The following OLFM2 variants were observed in gnomAD, a reference collection of about 807,000 sequenced individuals.
The protein encoded by OLFM2 is olfactomedin 2.
In OLFM2, 20 loss-of-function variants were observed where a neutral mutation model predicts 43.9. The ratio of observed to expected loss-of-function variants is 0.46; its 90% confidence interval spans 0.32 to 0.66. The LOEUF (loss-of-function observed/expected upper bound fraction) is 0.66, where lower values mean the gene tolerates loss of function less well. Among genes scored for constraint, OLFM2 ranks in the 30% least tolerant of loss-of-function variants. OLFM2 has a pLI of 0.04. For synonymous variants in OLFM2, 268 were observed against 278.6 expected (o/e 0.96, Z 0.38); for missense variants, 416 against 643.6 (o/e 0.65, Z 3.83).
intron 1 of OLFM2, among the ~76,000 whole-genome samples, chr19:9,920,745 A>C (rs76767581): frequency 7.8e-6 from 1 of 128,028 alleles, no homozygotes; most frequent in African/African-American, 5.1e-5. Context: ...AACATACAAA[A>C]AAAAAAAAAA....
rs188810470 is a variant in OLFM2, at chr19:9,880,494, G to A, written c.64-19700C>T. ...CACCTGTAATCCCAGCACTTTAGGA[G>A]GCTAAGGTGGGAGGATCACTTGTGA... On this transcript the variant is annotated intron_variant, in intron 1 of 5. Coordinates refer to ENST00000264833, the MANE Select transcript of OLFM2 (RefSeq NM_058164.4). Among the ~76,000 whole-genome samples, 23 of 152,296 alleles carry A rather than the reference G, an allele frequency of 1.5e-4. No homozygotes were observed. In the East Asian group the frequency reaches 4.3e-3, roughly 28 times the overall value.
intron 1 of OLFM2, among the ~76,000 whole-genome samples, chr19:9,869,645 G>A (rs2046428125): frequency 2.0e-5 from 3 of 152,120 alleles, no homozygotes; most frequent in Admixed American, 2.0e-4. Context: ...GAGACAGGGT[G>A]TCACTCTATC....
chr19:9,855,987 G>A (rs1023468847), intron 5 of OLFM2, among the ~76,000 whole-genome samples: 4 of 152,212 alleles, frequency 2.6e-5, no homozygotes, highest in Non-Finnish European at 5.9e-5. Flanking sequence ...TGAATGATAA[G>A]ACATCACTTG....
chr19:9,867,701 G>C (rs1395577123), intron 1 of OLFM2, among the ~76,000 whole-genome samples: 9 of 152,054 alleles, frequency 5.9e-5, no homozygotes, highest in Non-Finnish European at 1.3e-4. Flanking sequence ...AGATATTTTT[G>C]GAGGACAGCC....
chr19:9,868,289 T>G (rs1047321520), intron 1 of OLFM2, among the ~76,000 whole-genome samples: 4 of 152,126 alleles, frequency 2.6e-5, no homozygotes, highest in African/African-American at 9.7e-5. Context: ...CTTGAACTCC[T>G]GACCTCAGGT....
intron 1 of OLFM2, among the ~76,000 whole-genome samples, chr19:9,911,859 A>C (rs1049556233): frequency 6.6e-6 from 1 of 152,208 alleles, no homozygotes; most frequent in African/African-American, 2.4e-5. Flanking sequence ...CTCCCTTCTC[A>C]GATGGCAACG....
At chr19:9,862,245 G>A (rs2046370172) in intron 1 of OLFM2, among the ~76,000 whole-genome samples, 1 of 152,146 alleles carries the variant, frequency 6.6e-6, no homozygotes, top group African/African-American at 2.4e-5. Context: ...GAGTAACAGG[G>A]GGTCTTCCCT....
chr19:9,909,232 C>T (rs983803096), intron 1 of OLFM2, among the ~76,000 whole-genome samples: 1 of 152,198 alleles, frequency 6.6e-6, no homozygotes, highest in African/African-American at 2.4e-5. Context: ...CTCCATCTCC[C>T]CTTCCCTCTC....
chr19:9,861,648 T>C (rs139969370), intron 1 of OLFM2, among the ~76,000 whole-genome samples: 6 of 152,332 alleles, frequency 3.9e-5, no homozygotes, highest in African/African-American at 1.4e-4. Flanking sequence ...GGATGCTCTG[T>C]GGTCAAATAA....
intron 1 of OLFM2, among the ~76,000 whole-genome samples, chr19:9,907,553 A>G (rs2046795265): frequency 6.6e-6 from 1 of 152,156 alleles, no homozygotes; most frequent in South Asian, 2.1e-4. Flanking sequence ...CTAACATCCA[A>G]CACAGGTCCT....
At chr19:9,904,577 T>C (rs1181426721) in intron 1 of OLFM2, among the ~76,000 whole-genome samples, 1 of 151,582 alleles carries the variant, frequency 6.6e-6, no homozygotes, top group Non-Finnish European at 1.5e-5. Context: ...AGCTCCCCTG[T>C]GTGTAGTGTG....
At chr19:9,898,473 G>C (rs1484839756) in intron 1 of OLFM2, among the ~76,000 whole-genome samples, 2 of 151,538 alleles carry the variant, frequency 1.3e-5, no homozygotes, top group African/African-American at 2.4e-5. Flanking sequence ...AGTGAACAGA[G>C]ATTGTGCCAT....
At chr19:9,889,124 C>G (rs2046615760) in intron 1 of OLFM2, among the ~76,000 whole-genome samples, 1 of 151,802 alleles carries the variant, frequency 6.6e-6, no homozygotes, top group Admixed American at 6.6e-5. Context: ...TCGGTGTGCC[C>G]CTTATGTGGG....
intron 1 of OLFM2, among the ~76,000 whole-genome samples, chr19:9,868,663 G>A (rs73496750): frequency 0.02 from 3,083 of 152,100 alleles, 106 homozygotes; most frequent in African/African-American, 0.071. Flanking sequence ...TTTTAGGGCC[G>A]GGTGCAGTGG....
At chr19:9,902,911 C>G (rs2046753113) in intron 1 of OLFM2, among the ~76,000 whole-genome samples, 1 of 151,702 alleles carries the variant, frequency 6.6e-6, no homozygotes, top group African/African-American at 2.4e-5. Context: ...CTCCTGAGCT[C>G]AAGTGATCCT....
At chr19:9,931,714 T>TA (rs778511487) in intron 1 of OLFM2, among the ~76,000 whole-genome samples, 2,206 of 134,006 alleles carry the variant, frequency 0.016, 61 homozygotes, top group African/African-American at 0.056. Context: ...ATCTCAAAAA[T>TA]AAAAAAAAAA....
At chr19:9,926,129 C>G (rs1219013312) in intron 1 of OLFM2, among the ~76,000 whole-genome samples, 1 of 145,734 alleles carries the variant, frequency 6.9e-6, no homozygotes, top group Non-Finnish European at 1.5e-5. Context: ...GGAGAGAGAC[C>G]TCCTCTGTAA....
chr19:9,876,742 C>A (rs1221020569), intron 1 of OLFM2, among the ~76,000 whole-genome samples: 2 of 152,132 alleles, frequency 1.3e-5, no homozygotes, highest in African/African-American at 4.8e-5. Context: ...CCTCCGTTCC[C>A]CCAGTTAGAG....
chr19:9,892,124 T>TGC lies in OLFM2; in HGVS notation c.64-31332_64-31331dup, dbSNP rs201652977. On this transcript the variant is annotated intron_variant, in intron 1 of 5. Transcript: ENST00000264833. ...CTGTGATGTGGTCTGTACGTGTGTG[T>TGC]GCCAGGGTTTGGGGTGTCAATGTGC... Among the ~76,000 whole-genome samples the TGC allele has an allele frequency of 8.4e-3, 1,273 of 152,216 alleles. 22 individuals are homozygous for TGC. Among genetic ancestry groups the TGC allele is most frequent in the African/African-American group, 0.029 (1,187 of 41,514 alleles).
Sources: gnomAD v4.1 joint callset for allele counts (sites outside exome capture counted in the v4.1 genomes callset) on GRCh38, gnomAD v4.1.1 for gene constraint, MANE v1.5 for transcripts, NCBI Gene and HGNC (gene_info 2026-07-23, HGNC 2026-07-21) for gene names.